Variants in ATRNL1 observed in about 807,000 individuals in gnomAD.
The protein encoded by ATRNL1 is attractin-like protein 1.
A neutral mutation model predicts 182.7 loss-of-function variants in ATRNL1; 95 were observed. That is an observed-to-expected ratio of 0.52 (90% CI 0.44 to 0.62). ATRNL1 has a LOEUF of 0.62. ATRNL1 is among the 20% of genes least tolerant of loss of function. The probability of loss-of-function intolerance (pLI) is 0.00; values close to 1 mark genes in which losing one functional copy is unlikely to be tolerated. For missense variants in ATRNL1, 1,471 were observed against 1,679.5 expected (o/e 0.88, Z 2.17); for synonymous variants, 576 against 568.3 (o/e 1.01, Z -0.19).
At chr10:115,569,246 T>C (rs1376979653) in intron 26 of ATRNL1, among the ~76,000 whole-genome samples, 1 of 152,210 alleles carries the variant, frequency 6.6e-6, no homozygotes, top group African/African-American at 2.4e-5. Flanking sequence ...TTCTATTTTG[T>C]AGTATGATTA....
chr10:115,625,022 G>A (rs1229159143), intron 26 of ATRNL1, among the ~76,000 whole-genome samples: 1 of 152,080 alleles, frequency 6.6e-6, no homozygotes, highest in Non-Finnish European at 1.5e-5. Flanking sequence ...TAAAATTCAA[G>A]GGGATACTTT....
At chr10:115,328,843 T>C (rs895563404) in intron 18 of ATRNL1, among the ~76,000 whole-genome samples, 3 of 152,122 alleles carry the variant, frequency 2.0e-5, no homozygotes, top group Admixed American at 6.5e-5. Flanking sequence ...TTATTCACAC[T>C]TTCTTTATCC....
At chr10:115,763,419 T>C (rs566218613) in intron 27 of ATRNL1, among the ~76,000 whole-genome samples, 4 of 152,066 alleles carry the variant, frequency 2.6e-5, no homozygotes, top group Non-Finnish European at 5.9e-5. Context: ...TCAGGAGAAG[T>C]GGGGTAATTA....
chr10:115,517,223 A>G (rs1159372286), intron 24 of ATRNL1, among the ~76,000 whole-genome samples: 1 of 151,568 alleles, frequency 6.6e-6, no homozygotes, highest in Non-Finnish European at 1.5e-5. Context: ...GTTTTTACTT[A>G]CTTGGCCTGT....
At chr10:115,472,969 T>C (rs1368014583) in intron 24 of ATRNL1, among the ~76,000 whole-genome samples, 2 of 151,206 alleles carry the variant, frequency 1.3e-5, no homozygotes, top group Non-Finnish European at 3.0e-5. Flanking sequence ...GGATGTTAGC[T>C]ATTGGCTTGT....
At position 115,788,603 on chromosome 10, in the gene ATRNL1, A is replaced by G. The variant is rs1213534845; in HGVS notation, c.3904-59274A>G. Among the ~76,000 whole-genome samples, 4 of 152,218 alleles carry G rather than the reference A, an allele frequency of 2.6e-5. No homozygotes were observed. The East Asian group carries it at 7.7e-4, about 29-fold the overall frequency. On this transcript the variant is annotated intron_variant, in intron 27 of 28. Coordinates refer to ENST00000355044, the MANE Select transcript of ATRNL1 (RefSeq NM_207303.4). ...AAGGAGATAATTGGCATCCTCAAGC[A>G]GGTAATTAGAAAAGCAATTATTAGT...
chr10:115,157,466 A>C (rs1554882353), intron 5 of ATRNL1, among the ~76,000 whole-genome samples: 1 of 152,052 alleles, frequency 6.6e-6, no homozygotes, highest in African/African-American at 2.4e-5. Context: ...CATTCTATTT[A>C]TAAATGGATT....
intron 26 of ATRNL1, among the ~76,000 whole-genome samples, chr10:115,561,132 GA>G (rs139983743): frequency 0.054 from 8,064 of 150,644 alleles, 688 homozygotes; most frequent in African/African-American, 0.18. Flanking sequence ...GGTGATTAAA[GA>G]AAAAAAAATT....
chr10:115,549,087 G>A (rs1275506860), intron 25 of ATRNL1, among the ~76,000 whole-genome samples: 2 of 151,956 alleles, frequency 1.3e-5, no homozygotes, highest in Middle Eastern at 3.4e-3. Context: ...TAATATAAAT[G>A]TACATGTGTG....
chr10:115,364,437 T>C (rs1178236519), intron 19 of ATRNL1, among the ~76,000 whole-genome samples: 1 of 148,138 alleles, frequency 6.8e-6, no homozygotes, highest in East Asian at 1.9e-4. Flanking sequence ...AATGGGGTTT[T>C]CTAGATATAC....
intron 19 of ATRNL1, among the ~76,000 whole-genome samples, chr10:115,375,616 A>C (rs779523024): frequency 2.0e-5 from 3 of 150,490 alleles, no homozygotes; most frequent in Non-Finnish European, 4.4e-5. Context: ...TTTTTTCTTT[A>C]TCTTTTGTGC....
At chr10:115,406,315 G>GT (rs1265951494) in intron 20 of ATRNL1, among the ~76,000 whole-genome samples, 11 of 152,030 alleles carry the variant, frequency 7.2e-5, no homozygotes, top group African/African-American at 2.2e-4. Flanking sequence ...TTCCAGTTTT[G>GT]TTTTTCCTTT....
At chr10:115,680,952 C>T (rs1402631580) in intron 26 of ATRNL1, among the ~76,000 whole-genome samples, 1 of 152,068 alleles carries the variant, frequency 6.6e-6, no homozygotes, top group African/African-American at 2.4e-5. Flanking sequence ...TGGTATTGCA[C>T]TTTTTGTGTT....
chr10:115,635,105 T>C (rs1263756256), intron 26 of ATRNL1, among the ~76,000 whole-genome samples: 1 of 152,114 alleles, frequency 6.6e-6, no homozygotes, highest in Non-Finnish European at 1.5e-5. Context: ...ATGAGACTTT[T>C]CAAATCATTA....
intron 26 of ATRNL1, among the ~76,000 whole-genome samples, chr10:115,681,527 C>A (rs1946046064): frequency 6.6e-6 from 1 of 152,102 alleles, no homozygotes; most frequent in Non-Finnish European, 1.5e-5. Context: ...CTCCAGAAGA[C>A]CACATTCTTA....
intron 25 of ATRNL1, among the ~76,000 whole-genome samples, chr10:115,521,383 C>T (rs1257423213): frequency 6.6e-6 from 1 of 152,026 alleles, no homozygotes; most frequent in South Asian, 2.1e-4. Flanking sequence ...GATCTCCTGA[C>T]CTCAGATGAT....
chr10:115,272,875 G>C (rs2492980), intron 13 of ATRNL1, among the ~76,000 whole-genome samples: 54,072 of 152,028 alleles, frequency 0.36, 10,136 homozygotes, highest in African/African-American at 0.46. Flanking sequence ...GACATGAGTT[G>C]CTTGGTCAAA....
At chr10:115,459,525 C>T (rs948454812) in intron 21 of ATRNL1, among the ~76,000 whole-genome samples, 2 of 152,098 alleles carry the variant, frequency 1.3e-5, no homozygotes, top group East Asian at 1.9e-4. Context: ...CGCTCCCAGG[C>T]TTATTAGGAA....
At chr10:115,244,635 A>G (rs959950932) in intron 10 of ATRNL1, among the ~76,000 whole-genome samples, 6 of 152,172 alleles carry the variant, frequency 3.9e-5, no homozygotes, top group African/African-American at 1.2e-4. Context: ...TTAATGTTCT[A>G]GTTTGTAAAT....
Sources: allele counts gnomAD v4.1 joint callset (sites outside exome capture counted in the v4.1 genomes callset), GRCh38; gene constraint gnomAD v4.1.1; transcripts MANE v1.5; gene names NCBI Gene and HGNC (gene_info 2026-07-23, HGNC 2026-07-21).